The following SIPA1L1 variants were observed in gnomAD, a reference collection of about 807,000 sequenced individuals.
SIPA1L1 encodes the protein signal-induced proliferation-associated 1-like protein 1.
In SIPA1L1, 26 loss-of-function variants were observed where a neutral mutation model predicts 162.7. The observed-to-expected ratio is 0.16, with a 90% CI of 0.12 to 0.22. The LOEUF is 0.22. Ranked by LOEUF, SIPA1L1 falls within the 10% of genes least tolerant of loss-of-function variation. The probability of loss-of-function intolerance (pLI) is 1.00; values close to 1 mark genes in which losing one functional copy is unlikely to be tolerated. For synonymous variants in SIPA1L1, 829 were observed against 837.4 expected (o/e 0.99, Z 0.17); for missense variants, 1,874 against 2,241.0 (o/e 0.84, Z 3.31).
At chr14:71,684,630 A>T (rs2046117422) in intron 12 of SIPA1L1, among the ~76,000 whole-genome samples, 1 of 151,122 alleles carries the variant, frequency 6.6e-6, no homozygotes, top group Non-Finnish European at 1.5e-5. Context: ...GAGCCTGGTC[A>T]TGGTGTGCAG....
At chr14:71,468,089 A>G (rs1419760578) in intron 2 of SIPA1L1, among the ~76,000 whole-genome samples, 2 of 149,214 alleles carry the variant, frequency 1.3e-5, no homozygotes, top group Non-Finnish European at 3.0e-5. Flanking sequence ...TTCTCCTATA[A>G]TCAGTTGCAG....
chr14:71,550,693 T>G (rs896239373), intron 4 of SIPA1L1, among the ~76,000 whole-genome samples: 1 of 152,104 alleles, frequency 6.6e-6, no homozygotes, highest in African/African-American at 2.4e-5. Flanking sequence ...ACTCTGCTTA[T>G]CCAACTCTTC....
chr14:71,647,861 G>A (rs148478350), intron 7 of SIPA1L1, among the ~76,000 whole-genome samples: 231 of 152,020 alleles, frequency 1.5e-3, no homozygotes, highest in Non-Finnish European at 2.5e-3. Flanking sequence ...TAAGAAAGGG[G>A]TTAAATGTCA....
chr14:71,740,166 G>C lies in SIPA1L1; in HGVS notation c.*1005G>C, dbSNP rs1231651938. The C allele has an allele frequency of 6.6e-6, 1 of 152,186 alleles. No homozygotes were observed. Among genetic ancestry groups the C allele is most frequent in the African/African-American group, 2.4e-5 (1 of 41,442 alleles). The allele number at this position is 152,186 out of a possible 1,614,324, so 9.4% of individuals were successfully genotyped here. ...AAGACTTCACCAGTATTTGTAACTA[G>C]GAGAAGCTAACAGTGAATGTTTAAT... On this transcript the variant is annotated 3_prime_UTR_variant, in exon 24 of 24. Transcript: ENST00000381232.
intron 2 of SIPA1L1, among the ~76,000 whole-genome samples, chr14:71,492,455 T>C (rs2049359807): frequency 6.6e-6 from 1 of 152,188 alleles, no homozygotes; most frequent in Non-Finnish European, 1.5e-5. Context: ...CTGAAAGAGC[T>C]TGACAGAGCT....
chr14:71,696,884 A>T (rs1347370033), intron 13 of SIPA1L1, among the ~76,000 whole-genome samples: 2 of 152,244 alleles, frequency 1.3e-5, no homozygotes, highest in Admixed American at 1.3e-4. Context: ...AGGCCTTTTT[A>T]TGTGAGTAGC....
intron 12 of SIPA1L1, among the ~76,000 whole-genome samples, chr14:71,684,948 C>T (rs1027117300): frequency 7.9e-5 from 12 of 152,086 alleles, no homozygotes; most frequent in African/African-American, 2.9e-4. Flanking sequence ...TGCTCATACA[C>T]CCTTTCAGAA....
intron 5 of SIPA1L1, among the ~76,000 whole-genome samples, chr14:71,609,388 C>T (rs531876702): frequency 7.9e-4 from 121 of 152,228 alleles, no homozygotes; most frequent in African/African-American, 1.6e-3. Flanking sequence ...CACACCTCAT[C>T]CTCCCAAATG....
At chr14:71,442,110 T>A (rs557371166) in intron 2 of SIPA1L1, among the ~76,000 whole-genome samples, 209 of 145,900 alleles carry the variant, frequency 1.4e-3, no homozygotes, top group Non-Finnish European at 2.5e-3. Flanking sequence ...GAGGCTGGGG[T>A]TGCAGTGAGC....
At chr14:71,453,547 A>C (rs1334433335) in intron 2 of SIPA1L1, among the ~76,000 whole-genome samples, 1 of 152,248 alleles carries the variant, frequency 6.6e-6, no homozygotes, top group Non-Finnish European at 1.5e-5. Flanking sequence ...GCAAGTAGAA[A>C]GTGCATTTGA....
At chr14:71,414,948 T>A (rs954892455) in intron 2 of SIPA1L1, among the ~76,000 whole-genome samples, 1 of 152,234 alleles carries the variant, frequency 6.6e-6, no homozygotes, top group African/African-American at 2.4e-5. Context: ...GGAGACGTAT[T>A]TTATACAGGC....
At chr14:71,616,047 G>A (rs762302838) in intron 5 of SIPA1L1, among the ~76,000 whole-genome samples, 1 of 152,294 alleles carries the variant, frequency 6.6e-6, no homozygotes, top group Non-Finnish European at 1.5e-5. Flanking sequence ...CAGGCTTAGA[G>A]ATGTCTGGAG....
At chr14:71,661,073 T>A (rs188805982) in intron 9 of SIPA1L1, among the ~76,000 whole-genome samples, 300 of 152,286 alleles carry the variant, frequency 2.0e-3, no homozygotes, top group African/African-American at 6.4e-3. Flanking sequence ...ATGCCAGATA[T>A]TGGGTAGATC....
At position 71,408,901 on chromosome 14, in the gene SIPA1L1, C is replaced by T. The variant is rs1216260601; in HGVS notation, c.-465+87720C>T. On this transcript the variant is annotated intron_variant, in intron 2 of 23. Coordinates refer to ENST00000381232, the MANE Select transcript of SIPA1L1 (RefSeq NM_001386936.1). Reference sequence around the variant, plus strand: ...TGTGACCACAGGCAGTGGGCTTAACCTTTTTAGCCCTCAAATCTCTGATGT... The same window carrying T: ...TGTGACCACAGGCAGTGGGCTTAACTTTTTTAGCCCTCAAATCTCTGATGT... Among the ~76,000 whole-genome samples the T allele has an allele frequency of 2.2e-4, 34 of 152,058 alleles. 1 individual carries two copies. The highest frequency in any genetic ancestry group is 2.2e-3 in the Admixed American group (33 of 15,256).
chr14:71,740,637 C>T lies in SIPA1L1; in HGVS notation c.*1476C>T, dbSNP rs980916295. The T allele has an allele frequency of 6.6e-6, 1 of 152,222 alleles. No individual in the cohort carries two copies. The highest frequency in any genetic ancestry group is 1.5e-5 in the Non-Finnish European group (1 of 68,044). The allele number at this position is 152,222 out of a possible 1,614,324, so 9.4% of individuals were successfully genotyped here. ...AAAGAAACAGGATGGATTTTCCTCT[C>T]TTCTCCCTGCTACATTCACTACCAG... On this transcript the variant is annotated 3_prime_UTR_variant, in exon 24 of 24. Coordinates refer to ENST00000381232, the MANE Select transcript of SIPA1L1 (RefSeq NM_001386936.1).
intron 2 of SIPA1L1, among the ~76,000 whole-genome samples, chr14:71,472,176 G>C (rs938452042): frequency 6.6e-6 from 1 of 152,170 alleles, no homozygotes; most frequent in African/African-American, 2.4e-5. Flanking sequence ...ATGTCCTTCT[G>C]TGTCAGCTGG....
At chr14:71,441,745 C>G (rs539769124) in intron 2 of SIPA1L1, among the ~76,000 whole-genome samples, 2 of 152,148 alleles carry the variant, frequency 1.3e-5, no homozygotes, top group East Asian at 1.9e-4. Context: ...TTGATTAACA[C>G]TCCTTTCTCT....
intron 7 of SIPA1L1, among the ~76,000 whole-genome samples, chr14:71,637,384 A>G (rs1013013334): frequency 2.0e-5 from 3 of 152,132 alleles, no homozygotes; most frequent in Non-Finnish European, 4.4e-5. Context: ...TATTGTCATA[A>G]TCGTTCTATT....
At position 71,699,144 on chromosome 14, in the gene SIPA1L1, C is replaced by G; in HGVS notation, c.3521+17C>G. 3.1e-6 allele frequency: 5 copies of G among 1,612,994 alleles called. No homozygotes were observed. Among genetic ancestry groups the G allele is most frequent in the Non-Finnish European group, 4.2e-6 (5 of 1,178,976 alleles). ...GCCCGAAGGGTAGTTATGCGTTTGT[C>G]CCATTGTACATGGTCCCTGTTGGCA... On this transcript the variant is annotated intron_variant, in intron 14 of 23. Coordinates refer to ENST00000381232, the MANE Select transcript of SIPA1L1 (RefSeq NM_001386936.1).
Sources: gnomAD v4.1 joint callset for allele counts (sites outside exome capture counted in the v4.1 genomes callset) on GRCh38, gnomAD v4.1.1 for gene constraint, MANE v1.5 for transcripts, NCBI Gene and HGNC (gene_info 2026-07-23, HGNC 2026-07-21) for gene names.